TIAM2: variants seen among roughly 807,000 people sequenced by gnomAD.
TIAM2 encodes the protein TIAM Rac1 associated GEF 2.
In TIAM2, 80 loss-of-function variants were observed where a neutral mutation model predicts 152.9. The ratio of observed to expected loss-of-function variants is 0.52; its 90% CI spans 0.44 to 0.63. The LOEUF is 0.63. Ranked by LOEUF, TIAM2 falls within the 30% of genes least tolerant of loss-of-function variation. The probability of loss-of-function intolerance (pLI) is 0.00; values close to 1 mark genes in which losing one functional copy is unlikely to be tolerated. For missense variants in TIAM2, 1,965 were observed against 2,120.1 expected, an observed-to-expected ratio of 0.93 and a Z score of 1.44; for synonymous variants, 804 against 838.0, an observed-to-expected ratio of 0.96 and a Z score of 0.70.
chr6:154,997,618 A>C (rs1434547734), intron 1 of TIAM2, among the ~76,000 whole-genome samples: 1 of 149,920 alleles, frequency 6.7e-6, no homozygotes, highest in Non-Finnish European at 1.5e-5. Flanking sequence ...GAACGAGTGA[A>C]GAAAGAATGG....
At chr6:155,043,830 G>A (rs891902884) in intron 1 of TIAM2, among the ~76,000 whole-genome samples, 3 of 151,830 alleles carry the variant, frequency 2.0e-5, no homozygotes, top group Admixed American at 6.6e-5. Flanking sequence ...AGTTACAAGC[G>A]GGGACTTGAC....
intron 15 of TIAM2, among the ~76,000 whole-genome samples, chr6:155,221,107 CT>C (rs1232398506): frequency 9.2e-5 from 6 of 65,434 alleles, no homozygotes; most frequent in Non-Finnish European, 1.7e-4. Context: ...TCTCTTTCAT[CT>C]TGTTTTTTTT....
chr6:155,025,822 AC>A (rs1776590302), intron 1 of TIAM2, among the ~76,000 whole-genome samples: 1 of 1,264 alleles, frequency 7.9e-4, no homozygotes. Context: ...TCCCCCTCAA[AC>A]ACACACACAC....
chr6:155,003,607 G>A (rs147981270), intron 1 of TIAM2, among the ~76,000 whole-genome samples: 14 of 152,286 alleles, frequency 9.2e-5, no homozygotes, highest in African/African-American at 3.1e-4. Context: ...TCTCCACCGG[G>A]GCCAAAGGGG....
chr6:155,187,319 G>C (rs183906635), intron 14 of TIAM2, among the ~76,000 whole-genome samples: 1 of 152,278 alleles, frequency 6.6e-6, no homozygotes, highest in Non-Finnish European at 1.5e-5. Context: ...GTTAGTCACA[G>C]TGGCAGGTCC....
chr6:155,173,880 G>T (rs1780698768), intron 9 of TIAM2, among the ~76,000 whole-genome samples: 1 of 152,150 alleles, frequency 6.6e-6, no homozygotes, highest in Non-Finnish European at 1.5e-5. Context: ...CATAAGACAG[G>T]GGCATTTTAA....
At chr6:155,182,469 C>A in intron 13 of TIAM2, 151 bp downstream of exon 13, 3 of 682,112 alleles carry the variant, frequency 4.4e-6, no homozygotes, top group Non-Finnish European at 7.3e-6. Flanking sequence ...ATTGGAAATG[C>A]GACCAAACAC....
chr6:155,157,808 GTGA>G, intron 7 of TIAM2, among the ~76,000 whole-genome samples: 1 of 152,150 alleles, frequency 6.6e-6, no homozygotes, highest in Non-Finnish European at 1.5e-5. Context: ...ACTAAACCAG[GTGA>G]TGAATTGTTT....
At chr6:155,085,700 G>A (rs1387839614) in intron 1 of TIAM2, among the ~76,000 whole-genome samples, 1 of 152,174 alleles carries the variant, frequency 6.6e-6, no homozygotes, top group African/African-American at 2.4e-5. Context: ...AAGAATGTAA[G>A]GTGTGTTCAT....
intron 2 of TIAM2, among the ~76,000 whole-genome samples, chr6:155,098,607 T>C (rs1210976442): frequency 6.6e-6 from 1 of 152,222 alleles, no homozygotes; most frequent in Non-Finnish European, 1.5e-5. Context: ...TATAAAACCA[T>C]GTCATGTGTG....
chr6:155,125,444 G>T (rs553254093), intron 2 of TIAM2, among the ~76,000 whole-genome samples: 2 of 152,282 alleles, frequency 1.3e-5, no homozygotes, highest in Admixed American at 1.3e-4. Flanking sequence ...AAAATAACAA[G>T]CATGGGTGAG....
intron 1 of TIAM2, among the ~76,000 whole-genome samples, chr6:154,997,368 C>T (rs924619037): frequency 2.0e-5 from 3 of 152,156 alleles, no homozygotes; most frequent in Non-Finnish European, 4.4e-5. Flanking sequence ...CACAGTTGTT[C>T]AGGCTGTTCA....
At chr6:155,017,302 G>C (rs185384663) in intron 1 of TIAM2, among the ~76,000 whole-genome samples, 8 of 152,120 alleles carry the variant, frequency 5.3e-5, no homozygotes, top group Non-Finnish European at 1.0e-4. Flanking sequence ...AAATGAGTGG[G>C]GATAAATGGG....
At chr6:155,023,962 C>T (rs1776547506) in intron 1 of TIAM2, among the ~76,000 whole-genome samples, 1 of 152,146 alleles carries the variant, frequency 6.6e-6, no homozygotes, top group Non-Finnish European at 1.5e-5. Flanking sequence ...TCATAGGAAC[C>T]TGTTGATCAG....
intron 1 of TIAM2, among the ~76,000 whole-genome samples, chr6:155,027,566 TATATATA>T (rs1384858453): frequency 9.6e-6 from 1 of 103,836 alleles, no homozygotes; most frequent in Non-Finnish European, 1.9e-5. Context: ...ACATATATAC[TATATATA>T]ATATATGTAC....
intron 1 of TIAM2, among the ~76,000 whole-genome samples, chr6:155,072,954 C>T (rs536664523): frequency 3.3e-5 from 5 of 152,064 alleles, no homozygotes; most frequent in African/African-American, 1.2e-4. Context: ...AAAAGTGTTA[C>T]TAAAGATGAA....
chr6:155,009,962 C>T (rs948301019), intron 1 of TIAM2, among the ~76,000 whole-genome samples: 16 of 152,164 alleles, frequency 1.1e-4, no homozygotes, highest in Middle Eastern at 3.4e-3. Flanking sequence ...AAGTCATTCT[C>T]GTGTCTCGGT....
intron 10 of TIAM2, 63 bp from the exon 11 acceptor site, chr6:155,178,976 G>C (rs1185908489): frequency 7.7e-7 from 1 of 1,291,112 alleles, no homozygotes; most frequent in East Asian, 2.3e-5. Flanking sequence ...TAATAAGCCT[G>C]CTAACCAATG....
intron 1 of TIAM2, among the ~76,000 whole-genome samples, chr6:155,028,480 A>C (rs919544820): frequency 6.0e-5 from 8 of 133,202 alleles, no homozygotes; most frequent in African/African-American, 1.9e-4. Context: ...TGTGTTACAT[A>C]TACTACATAT....
Sources: allele counts gnomAD v4.1 joint callset (sites outside exome capture counted in the v4.1 genomes callset), GRCh38; gene constraint gnomAD v4.1.1; transcripts MANE v1.5; gene names NCBI Gene and HGNC (gene_info 2026-07-23, HGNC 2026-07-21).